Variants in NELL1 observed in about 807,000 individuals in gnomAD.
NELL1 encodes protein kinase C-binding protein NELL1.
A neutral mutation model predicts 107.4 loss-of-function variants in NELL1; 76 were observed. That is an observed-to-expected ratio of 0.71 (90% CI 0.59 to 0.86). The LOEUF (loss-of-function observed/expected upper bound fraction) is 0.86, where lower values mean the gene tolerates loss of function less well. NELL1 is among the 40% of genes least tolerant of loss of function. The pLI, the probability that NELL1 is intolerant of heterozygous loss-of-function variation, is 0.00. For missense variants in NELL1, 1,024 were observed against 1,005.5 expected (o/e 1.02, Z -0.25); for synonymous variants, 353 against 341.2 (o/e 1.03, Z -0.38).
intron 14 of NELL1, among the ~76,000 whole-genome samples, chr11:21,277,509 G>C (rs910187107): frequency 6.6e-6 from 1 of 151,888 alleles, no homozygotes; most frequent in Non-Finnish European, 1.5e-5. Flanking sequence ...CAGGGATCTA[G>C]AACTAGAAAT....
chr11:20,672,579 T>C (rs1383001855), intron 1 of NELL1, among the ~76,000 whole-genome samples: 2 of 152,246 alleles, frequency 1.3e-5, no homozygotes, highest in South Asian at 2.1e-4. Flanking sequence ...GTTCTTGTTA[T>C]TTCTGGTTGA....
chr11:21,132,457 C>T (rs543254015), intron 13 of NELL1, among the ~76,000 whole-genome samples: 9 of 152,090 alleles, frequency 5.9e-5, no homozygotes, highest in South Asian at 4.1e-4. Context: ...AGGTACAGAG[C>T]GGTGAGGGAT....
chr11:21,202,555 G>T (rs1037012401), intron 13 of NELL1, among the ~76,000 whole-genome samples: 1 of 151,872 alleles, frequency 6.6e-6, no homozygotes, highest in Admixed American at 6.6e-5. Flanking sequence ...TATCTATTTT[G>T]TTGATCTTTT....
At chr11:21,259,913 T>C (rs1266899655) in intron 14 of NELL1, 2 of 151,898 alleles carry the variant, frequency 1.3e-5, no homozygotes, top group African/African-American at 4.8e-5. Flanking sequence ...ATGTGAGCAA[T>C]AAATTTGAGA....
chr11:21,385,740 A>T (rs1229018874), intron 15 of NELL1, among the ~76,000 whole-genome samples: 3 of 151,956 alleles, frequency 2.0e-5, no homozygotes, highest in African/African-American at 7.2e-5. Context: ...CTTTCATTAT[A>T]AACACCAACC....
At chr11:20,877,339 G>A (rs76920120) in intron 4 of NELL1, among the ~76,000 whole-genome samples, 5,382 of 152,194 alleles carry the variant, frequency 0.035, 321 homozygotes, top group African/African-American at 0.12. Context: ...TTGAACAGTG[G>A]CATAATACAT....
At chr11:21,555,125 A>G (rs1363176589) in intron 16 of NELL1, among the ~76,000 whole-genome samples, 3 of 151,904 alleles carry the variant, frequency 2.0e-5, no homozygotes. Flanking sequence ...TGTATCTGGC[A>G]TAGAGTAGAT....
chr11:20,991,947 CA>C (rs1379382245), intron 12 of NELL1, among the ~76,000 whole-genome samples: 1 of 141,022 alleles, frequency 7.1e-6, no homozygotes, highest in Non-Finnish European at 1.5e-5. Context: ...AAGGGCATAA[CA>C]ACCCCTCTCC....
At chr11:21,083,299 G>A (rs960604593) in intron 12 of NELL1, among the ~76,000 whole-genome samples, 8 of 152,292 alleles carry the variant, frequency 5.3e-5, no homozygotes, top group African/African-American at 1.7e-4. Context: ...GCATCAAATG[G>A]TCTGAGGTCA....
At chr11:21,215,933 G>A (rs2133865875) in intron 13 of NELL1, among the ~76,000 whole-genome samples, 1 of 152,224 alleles carries the variant, frequency 6.6e-6, no homozygotes, top group South Asian at 2.1e-4. Context: ...AATCACCAAG[G>A]CAATGGGAAA....
intron 16 of NELL1, among the ~76,000 whole-genome samples, chr11:21,542,307 C>A (rs189285517): frequency 4.7e-4 from 72 of 152,138 alleles, no homozygotes; most frequent in Admixed American, 1.2e-3. Context: ...AGCTTCTGTT[C>A]TTAATATGTT....
intron 15 of NELL1, among the ~76,000 whole-genome samples, chr11:21,388,690 A>G (rs1019367395): frequency 6.6e-5 from 10 of 151,906 alleles, no homozygotes; most frequent in Non-Finnish European, 4.4e-5. Flanking sequence ...TGAAAGCAAC[A>G]TGAGCTTCTC....
In NELL1 at chr11:21,234,056, C is replaced by T. The variant is rs542611513; in HGVS notation, c.1549+4602C>T. Among the ~76,000 whole-genome samples, 29 of 152,152 alleles carry T rather than the reference C, an allele frequency of 1.9e-4. No homozygotes were observed. The East Asian group carries it at 4.8e-3, about 25-fold the overall frequency. Reference sequence around the variant, plus strand: ...GAACATTTACAAAATGGTATTATCTCGCGTGAAAGAGGCTTGAAAAGAATT... The same window carrying T: ...GAACATTTACAAAATGGTATTATCTTGCGTGAAAGAGGCTTGAAAAGAATT... On this transcript the variant is annotated intron_variant, in intron 14 of 19. Transcript: ENST00000357134.
At chr11:20,962,899 G>A (rs553962502) in intron 12 of NELL1, among the ~76,000 whole-genome samples, 1 of 152,284 alleles carries the variant, frequency 6.6e-6, no homozygotes, top group African/African-American at 2.4e-5. Context: ...AGCACCTAAG[G>A]AGAAATGGCT....
intron 13 of NELL1, among the ~76,000 whole-genome samples, chr11:21,167,460 G>C (rs1046643326): frequency 6.6e-6 from 1 of 151,782 alleles, no homozygotes; most frequent in Non-Finnish European, 1.5e-5. Flanking sequence ...ATGGAGATTA[G>C]GTCAGTTCTT....
chr11:20,745,967 AAG>A (rs1309822147), intron 2 of NELL1, among the ~76,000 whole-genome samples: 1 of 152,204 alleles, frequency 6.6e-6, no homozygotes, highest in Non-Finnish European at 1.5e-5. Context: ...TGCAAGGAAA[AAG>A]AATTTCTTAC....
At chr11:20,833,057 G>T (rs990421429) in intron 3 of NELL1, among the ~76,000 whole-genome samples, 3 of 152,142 alleles carry the variant, frequency 2.0e-5, no homozygotes, top group Non-Finnish European at 4.4e-5. Context: ...GGACAGAGTG[G>T]TCTGTGTTGA....
intron 2 of NELL1, among the ~76,000 whole-genome samples, chr11:20,685,346 A>C (rs1158143383): frequency 6.6e-6 from 1 of 152,066 alleles, no homozygotes; most frequent in African/African-American, 2.4e-5. Context: ...CAAAATTGAA[A>C]ATTCATTTCC....
chr11:21,090,335 A>G (rs1285666058), intron 12 of NELL1, among the ~76,000 whole-genome samples: 1 of 152,180 alleles, frequency 6.6e-6, no homozygotes, highest in East Asian at 1.9e-4. Flanking sequence ...AATATAGTAC[A>G]GCCATGATGT....
Sources: allele counts gnomAD v4.1 joint callset (sites outside exome capture counted in the v4.1 genomes callset), GRCh38; gene constraint gnomAD v4.1.1; transcripts MANE v1.5; gene names NCBI Gene and HGNC (gene_info 2026-07-23, HGNC 2026-07-21).